Variants in NAV2 observed in about 807,000 individuals in gnomAD.
NAV2 encodes the protein neuron navigator 2, also known as helicase, APC down-regulated 1.
A neutral mutation model predicts 223.2 loss-of-function variants in NAV2; 54 were observed. That is an observed-to-expected ratio of 0.24 (90% CI 0.19 to 0.30). The LOEUF (loss-of-function observed/expected upper bound fraction) is 0.30. Among genes scored for constraint, NAV2 ranks in the 10% least tolerant of loss-of-function variants. The pLI, the probability that NAV2 is intolerant of heterozygous loss-of-function variation, is 1.00. For synonymous variants in NAV2, 1,279 were observed against 1,239.3 expected, an observed-to-expected ratio of 1.03 and a Z score of -0.67; for missense variants, 2,806 against 3,147.5, an observed-to-expected ratio of 0.89 and a Z score of 2.60.
At chr11:20,116,880 A>G (rs1206517787) in intron 37 of NAV2, among the ~76,000 whole-genome samples, 2 of 152,214 alleles carry the variant, frequency 1.3e-5, no homozygotes, top group African/African-American at 4.8e-5. Flanking sequence ...ATGAAAACAG[A>G]ATTTACTTGC....
rs996277169 is a variant in NAV2, at chr11:19,881,521, A to T, written c.770+1394A>T. Among the ~76,000 whole-genome samples, 4 of 152,104 alleles carry T rather than the reference A, an allele frequency of 2.6e-5. No homozygotes were observed. In the South Asian group the frequency reaches 6.2e-4, roughly 24 times the overall value. On this transcript the variant is annotated intron_variant, in intron 5 of 37. Coordinates refer to ENST00000349880, the MANE Select transcript of NAV2 (RefSeq NM_145117.5). ...CATATTGCAGTTCTGTGGGGGGAAAATATTGGGAGATAATTTGGGTTAAAT... is the reference window on the plus strand; with the variant it reads ...CATATTGCAGTTCTGTGGGGGGAAATTATTGGGAGATAATTTGGGTTAAAT...
At position 19,804,508 on chromosome 11, in the gene NAV2, C is replaced by T. The variant is rs542896234; in HGVS notation, c.268-27976C>T. On this transcript the variant is annotated intron_variant, in intron 1 of 37. Transcript: ENST00000349880. ...TCTGTGGATGGTCTTGTGGGAGGAG[C>T]ATTCTGTTAATCAGCATATTGTGAT... Among the ~76,000 whole-genome samples the T allele has an allele frequency of 2.0e-5, 3 of 152,300 alleles. No individual in the cohort carries two copies. The South Asian group carries it at 6.2e-4, about 32-fold the overall frequency.
At chr11:19,541,822 G>T (rs1466902853) in intron 1 of NAV2, among the ~76,000 whole-genome samples, 2 of 152,164 alleles carry the variant, frequency 1.3e-5, no homozygotes, top group Non-Finnish European at 2.9e-5. Context: ...GGGCCACCTG[G>T]TGTCCTGGCT....
At chr11:19,604,578 TG>T (rs1340254415) in intron 1 of NAV2, among the ~76,000 whole-genome samples, 1 of 152,168 alleles carries the variant, frequency 6.6e-6, no homozygotes, top group Non-Finnish European at 1.5e-5. Flanking sequence ...AATCTTGCTT[TG>T]TGCCAGGCAA....
chr11:20,073,811 T>G (rs1217788904), intron 22 of NAV2, among the ~76,000 whole-genome samples: 1 of 152,210 alleles, frequency 6.6e-6, no homozygotes, highest in Non-Finnish European at 1.5e-5. Flanking sequence ...TTGCATCTTA[T>G]TTGATTCTTT....
At chr11:19,554,567 G>C (rs1243036804) in intron 1 of NAV2, among the ~76,000 whole-genome samples, 1 of 152,196 alleles carries the variant, frequency 6.6e-6, no homozygotes, top group Non-Finnish European at 1.5e-5. Context: ...TAGCTCTGCT[G>C]TTTGTGGGCT....
intron 1 of NAV2, among the ~76,000 whole-genome samples, chr11:19,367,533 G>C (rs1848329602): frequency 1.3e-5 from 2 of 152,204 alleles, no homozygotes; most frequent in African/African-American, 2.4e-5. Flanking sequence ...AATACCAAGA[G>C]TATAAAGTGC....
At chr11:19,662,422 T>C (rs890337384) in intron 1 of NAV2, among the ~76,000 whole-genome samples, 1 of 152,212 alleles carries the variant, frequency 6.6e-6, no homozygotes, top group African/African-American at 2.4e-5. Flanking sequence ...AAACACCTGA[T>C]AGAAACTGGT....
Position 19,974,253 on chromosome 11 carries a change from G to T in NAV2, c.2646-9872G>T, listed in dbSNP as rs368790187. On this transcript the variant is annotated intron_variant, in intron 10 of 37. Coordinates refer to ENST00000349880, the MANE Select transcript of NAV2 (RefSeq NM_145117.5). ...AGTTTTGGCCTGACTACCTGCAAGAGAATTACTTGCATGTCTGTTAAAAAT... is the reference window on the plus strand; with the variant it reads ...AGTTTTGGCCTGACTACCTGCAAGATAATTACTTGCATGTCTGTTAAAAAT... 8.5e-5 allele frequency among the ~76,000 whole-genome samples: 13 copies of T among 152,290 alleles called. No homozygotes were observed. The South Asian group carries it at 1.7e-3, about 19-fold the overall frequency.
intron 1 of NAV2, among the ~76,000 whole-genome samples, chr11:19,482,305 C>T (rs2042304575): frequency 6.6e-6 from 1 of 152,180 alleles, no homozygotes; most frequent in African/African-American, 2.4e-5. Context: ...CCTCCATGGA[C>T]CCTTGCTGCT....
At chr11:19,708,870 C>T (rs184125749), upstream of NAV2, among the ~76,000 whole-genome samples, 5 of 146,788 alleles carry the variant, frequency 3.4e-5, no homozygotes, top group East Asian at 1.0e-3. Context: ...GCCATTTCAA[C>T]TTGGCATACT....
intron 1 of NAV2, among the ~76,000 whole-genome samples, chr11:19,621,234 T>C (rs1565108564): frequency 6.6e-6 from 1 of 152,236 alleles, no homozygotes; most frequent in Admixed American, 6.5e-5. Context: ...TTTTTTGTTG[T>C]GTCTCTGCCA....
intron 22 of NAV2, among the ~76,000 whole-genome samples, chr11:20,074,760 C>CCTTTTTTTTTTTT (rs56895607): frequency 0.013 from 1,397 of 109,824 alleles, 98 homozygotes; most frequent in African/African-American, 0.022. Flanking sequence ...TGCAACTCTG[C>CCTTTTTTTTTTTT]TTTTTTTTTT....
At chr11:19,360,313 GTT>G (rs1272631521) in intron 1 of NAV2, among the ~76,000 whole-genome samples, 2 of 152,126 alleles carry the variant, frequency 1.3e-5, no homozygotes, top group Non-Finnish European at 2.9e-5. Flanking sequence ...TGTTAGGTCA[GTT>G]TAGCAAGAAG....
chr11:19,573,260 C>T (rs1454199800), intron 1 of NAV2, among the ~76,000 whole-genome samples: 2 of 152,274 alleles, frequency 1.3e-5, no homozygotes, highest in Admixed American at 1.3e-4. Flanking sequence ...ATCTCAGCTA[C>T]CCTGCCCCTA....
At chr11:19,350,688 G>A, upstream of NAV2, 1 of 489,996 alleles carries the variant, frequency 2.0e-6, no homozygotes, top group East Asian at 3.7e-5. Flanking sequence ...CTCATGAAGC[G>A]AGTCTCAGAC....
intron 7 of NAV2, among the ~76,000 whole-genome samples, chr11:19,934,828 G>T (rs201116138): frequency 2.0e-5 from 3 of 152,002 alleles, no homozygotes; most frequent in Admixed American, 1.3e-4. Context: ...GGAGGGGCTG[G>T]TCTAGAAGAA....
chr11:19,601,935 C>G (rs2046359974), intron 1 of NAV2, among the ~76,000 whole-genome samples: 1 of 152,196 alleles, frequency 6.6e-6, no homozygotes, highest in East Asian at 1.9e-4. Flanking sequence ...TGCATGGCTT[C>G]CTTTCTGCAC....
At position 19,642,278 on chromosome 11, in the gene NAV2, G is replaced by A. The variant is rs2047687594; in HGVS notation, c.76-190206G>A. 5.9e-5 allele frequency among the ~76,000 whole-genome samples: 9 copies of A among 152,332 alleles called. 1 individual carries two copies. The Middle Eastern group carries it at 0.027, about 461-fold the overall frequency. On this transcript the variant is annotated intron_variant, in intron 1 of 37. Coordinates refer to the NAV2 transcript ENST00000360655. ...AGGCCATTGTTCAATAAGCTCCAGG[G>A]TGCTTCATCAGACCTGCACCAGAAG... is the stretch of plus-strand genomic sequence containing the variant.
Sources: allele counts gnomAD v4.1 joint callset (sites outside exome capture counted in the v4.1 genomes callset), GRCh38; gene constraint gnomAD v4.1.1; transcripts MANE v1.5; gene names NCBI Gene and HGNC (gene_info 2026-07-23, HGNC 2026-07-21).